NEIL3: variants seen among roughly 807,000 people sequenced by gnomAD.
NEIL3 encodes endonuclease 8-like 3.
In NEIL3, 48 loss-of-function variants were observed where a neutral mutation model predicts 57.5. The ratio of observed to expected loss-of-function variants is 0.83; its 90% CI spans 0.66 to 1.06. The LOEUF (loss-of-function observed/expected upper bound fraction) is 1.06. NEIL3 is among the 50% of genes least tolerant of loss of function. The pLI, the probability that NEIL3 is intolerant of heterozygous loss-of-function variation, is 0.00. For missense variants in NEIL3, 717 were observed against 739.1 expected (o/e 0.97, Z 0.35); for synonymous variants, 261 against 253.2 (o/e 1.03, Z -0.29).
At chr4:177,327,743 C>A (rs1734810641) in intron 2 of NEIL3, among the ~76,000 whole-genome samples, 1 of 151,918 alleles carries the variant, frequency 6.6e-6, no homozygotes, top group African/African-American at 2.4e-5. Flanking sequence ...AAAAAATTTC[C>A]CTTTTATTTC....
chr4:177,321,321 T>C (rs904104070), intron 1 of NEIL3, among the ~76,000 whole-genome samples: 5 of 152,222 alleles, frequency 3.3e-5, no homozygotes, highest in African/African-American at 4.8e-5. Flanking sequence ...GGATATTACC[T>C]TAGACTGAGT....
intron 2 of NEIL3, among the ~76,000 whole-genome samples, chr4:177,330,817 A>T (rs895177202): frequency 1.1e-4 from 16 of 152,210 alleles, no homozygotes; most frequent in Non-Finnish European, 1.9e-4. Flanking sequence ...CTTTTTTTAT[A>T]CTAAGTCTTC....
intron 6 of NEIL3, among the ~76,000 whole-genome samples, chr4:177,346,420 C>T (rs1168321283): frequency 6.6e-6 from 1 of 152,150 alleles, no homozygotes; most frequent in Non-Finnish European, 1.5e-5. Flanking sequence ...CCTCCTGCCT[C>T]AGCTGTCCAG....
chr4:177,345,002 A>G (rs1239660849), intron 6 of NEIL3, among the ~76,000 whole-genome samples: 2 of 152,200 alleles, frequency 1.3e-5, no homozygotes, highest in East Asian at 3.8e-4. Context: ...TTTATTTATT[A>G]GGGTCTGCTA....
chr4:177,345,810 C>T (rs1443513499), intron 6 of NEIL3, among the ~76,000 whole-genome samples: 1 of 151,500 alleles, frequency 6.6e-6, no homozygotes, highest in Non-Finnish European at 1.5e-5. Flanking sequence ...CTACCTCGGC[C>T]TCCCAGGTAG....
chr4:177,321,009 C>G (rs868572415), intron 1 of NEIL3, among the ~76,000 whole-genome samples: 1 of 148,890 alleles, frequency 6.7e-6, no homozygotes, highest in Non-Finnish European at 1.5e-5. Context: ...GAGCTAAGTA[C>G]TGTGATTGTA....
chr4:177,348,303 T>C (rs922635171), intron 6 of NEIL3, among the ~76,000 whole-genome samples: 1 of 152,170 alleles, frequency 6.6e-6, no homozygotes, highest in Non-Finnish European at 1.5e-5. Flanking sequence ...CCCTTTGATC[T>C]TCCTCAGGTG....
chr4:177,323,316 T>G (rs906639013), intron 2 of NEIL3, among the ~76,000 whole-genome samples: 7 of 152,188 alleles, frequency 4.6e-5, no homozygotes, highest in African/African-American at 1.7e-4. Context: ...CTTCCTCAAA[T>G]CGTTTTTAGT....
chr4:177,341,186 G>T (rs1012078448), intron 5 of NEIL3, among the ~76,000 whole-genome samples: 1 of 151,992 alleles, frequency 6.6e-6, no homozygotes, highest in African/African-American at 2.4e-5. Context: ...TTTAAATATA[G>T]AACTTTTACA....
chr4:177,333,280 A>G (rs868866344), intron 2 of NEIL3, among the ~76,000 whole-genome samples: 4 of 152,188 alleles, frequency 2.6e-5, no homozygotes, highest in Admixed American at 6.5e-5. Context: ...TTATTCTGAC[A>G]GTGATAGCTT....
At chr4:177,330,756 A>G (rs1447642853) in intron 2 of NEIL3, among the ~76,000 whole-genome samples, 1 of 152,248 alleles carries the variant, frequency 6.6e-6, no homozygotes, top group Admixed American at 6.5e-5. Context: ...TAACCTATAC[A>G]AAATATTTCA....
At chr4:177,345,206 C>G (rs1222872657) in intron 6 of NEIL3, among the ~76,000 whole-genome samples, 5 of 152,278 alleles carry the variant, frequency 3.3e-5, no homozygotes, top group Admixed American at 3.3e-4. Context: ...ACAAGGAAGT[C>G]TTTCTGAAAG....
intron 7 of NEIL3, among the ~76,000 whole-genome samples, chr4:177,352,160 TTA>T (rs1276683750): frequency 6.6e-6 from 1 of 152,238 alleles, no homozygotes; most frequent in East Asian, 1.9e-4. Context: ...TCTCAAAGTG[TTA>T]TTTCTTTCTT....
intron 3 of NEIL3, 81 bp downstream of exon 3, chr4:177,335,903 C>A: frequency 7.7e-7 from 1 of 1,299,400 alleles, no homozygotes; most frequent in Non-Finnish European, 1.1e-6. Context: ...ACTAAAGAAA[C>A]AAATAAATAA....
intron 1 of NEIL3, among the ~76,000 whole-genome samples, chr4:177,319,022 AC>A (rs1232255650): frequency 1.3e-5 from 2 of 152,308 alleles, no homozygotes; most frequent in East Asian, 3.9e-4. Flanking sequence ...TTTGTTGTAG[AC>A]AAAGCCAGGT....
chr4:177,321,018 T>A (rs1432119067), intron 1 of NEIL3, among the ~76,000 whole-genome samples: 2 of 152,024 alleles, frequency 1.3e-5, no homozygotes, highest in Non-Finnish European at 2.9e-5. Context: ...ACTGTGATTG[T>A]ATCTTAACAA....
At chr4:177,348,069 T>G (rs1459731895) in intron 6 of NEIL3, among the ~76,000 whole-genome samples, 7 of 152,206 alleles carry the variant, frequency 4.6e-5, no homozygotes, top group Admixed American at 4.6e-4. Flanking sequence ...TATCTTTTCT[T>G]TAAGCAGTAC....
intron 8 of NEIL3, among the ~76,000 whole-genome samples, chr4:177,358,423 T>G (rs138878801): frequency 1.3e-5 from 2 of 152,280 alleles, no homozygotes; most frequent in East Asian, 3.9e-4. Context: ...TTCTTCTGAC[T>G]CAGCCTCCCG....
chr4:177,368,089 C>T, the NEIL3 span, among the ~76,000 whole-genome samples: 1 of 152,130 alleles, frequency 6.6e-6, no homozygotes, highest in Non-Finnish European at 1.5e-5. Context: ...GGAAAAGTAG[C>T]TGTACCCAGA....
Sources: gnomAD v4.1 joint callset for allele counts (sites outside exome capture counted in the v4.1 genomes callset) on GRCh38, gnomAD v4.1.1 for gene constraint, MANE v1.5 for transcripts, NCBI Gene and HGNC (gene_info 2026-07-23, HGNC 2026-07-21) for gene names.